Variants in CIMIP4 observed in about 807,000 individuals in gnomAD.
CIMIP4 encodes the protein ciliary microtubule inner protein 4, also known as protein EAN57.
chr22:37,004,874 G>T, the CIMIP4 span, among the ~76,000 whole-genome samples: 2 of 152,010 alleles, frequency 1.3e-5, no homozygotes, highest in African/African-American at 4.8e-5. Flanking sequence ...TTTTAGTAGA[G>T]ACAGGGTTTC....
chr22:37,002,007 C>A, the CIMIP4 span: 5 of 1,613,598 alleles, frequency 3.1e-6, no homozygotes, highest in Middle Eastern at 1.7e-4. Flanking sequence ...CCCGAGGTGG[C>A]CCTGTTCTCT....
chr22:37,005,744 A>G, the CIMIP4 span, among the ~76,000 whole-genome samples: 7 of 152,212 alleles, frequency 4.6e-5, no homozygotes, highest in Non-Finnish European at 7.3e-5. Flanking sequence ...AGTTCCAAAG[A>G]AAAGATGGTA....
the CIMIP4 span, among the ~76,000 whole-genome samples, chr22:36,998,205 A>G: frequency 1.3e-5 from 2 of 152,176 alleles, no homozygotes; most frequent in Non-Finnish European, 2.9e-5. Context: ...CTATTTGGTG[A>G]CCGATAGTTG....
At chr22:37,002,261 C>G in the CIMIP4 span, 1 of 1,443,470 alleles carries the variant, frequency 6.9e-7, no homozygotes, top group Middle Eastern at 1.8e-4. Flanking sequence ...GTCCTGTTGG[C>G]CCTCCTTGTC....
the CIMIP4 span, among the ~76,000 whole-genome samples, chr22:36,999,075 T>C: frequency 6.6e-6 from 1 of 152,032 alleles, no homozygotes; most frequent in Non-Finnish European, 1.5e-5. Context: ...ATTGTCACTG[T>C]GACCAAAGGT....
At chr22:37,001,302 A>G in the CIMIP4 span, among the ~76,000 whole-genome samples, 1 of 151,772 alleles carries the variant, frequency 6.6e-6, no homozygotes, top group Non-Finnish European at 1.5e-5. Flanking sequence ...GCCTCGCTTT[A>G]CAGATGTGGA....
the CIMIP4 span, among the ~76,000 whole-genome samples, chr22:37,005,491 G>A: frequency 0.43 from 65,297 of 151,624 alleles, 14,174 homozygotes; most frequent in East Asian, 0.53. Flanking sequence ...GAACCAAGCG[G>A]TGGTCAGAGT....
chr22:36,999,790 C>T, the CIMIP4 span: 2 of 1,579,450 alleles, frequency 1.3e-6, no homozygotes, highest in Non-Finnish European at 1.7e-6. Context: ...CTGCCCAATG[C>T]CTGGGAGACC....
At chr22:36,998,103 C>G in the CIMIP4 span, among the ~76,000 whole-genome samples, 1 of 152,236 alleles carries the variant, frequency 6.6e-6, no homozygotes, top group African/African-American at 2.4e-5. Context: ...CACAGTTCTA[C>G]TTCCCAGGTG....
chr22:37,000,908 A>G, the CIMIP4 span, among the ~76,000 whole-genome samples: 8 of 152,150 alleles, frequency 5.3e-5, no homozygotes, highest in African/African-American at 1.9e-4. Flanking sequence ...AAGATGACAG[A>G]GTGGAAGGGG....
chr22:37,001,903 G>T, the CIMIP4 span: 3 of 1,612,894 alleles, frequency 1.9e-6, no homozygotes, highest in Admixed American at 5.0e-5. Context: ...TGTTAGGAAT[G>T]ATGCTGCCCT....
the CIMIP4 span, chr22:36,991,641 G>T: frequency 6.9e-7 from 1 of 1,442,598 alleles, no homozygotes; most frequent in Non-Finnish European, 9.8e-7. Flanking sequence ...GTGGCAGTCG[G>T]GTACTCCATG....
the CIMIP4 span, among the ~76,000 whole-genome samples, chr22:37,005,279 C>G: frequency 6.6e-6 from 1 of 151,862 alleles, no homozygotes; most frequent in African/African-American, 2.4e-5. Flanking sequence ...GTGGGATACC[C>G]TGGGCCAGAG....
At chr22:36,996,438 C>T in the CIMIP4 span, among the ~76,000 whole-genome samples, 3 of 147,204 alleles carry the variant, frequency 2.0e-5, no homozygotes, top group Non-Finnish European at 4.5e-5. Context: ...TCAACAGCAG[C>T]AAAAAAAGAG....
the CIMIP4 span, among the ~76,000 whole-genome samples, chr22:36,993,210 C>T: frequency 2.6e-5 from 4 of 151,046 alleles, no homozygotes; most frequent in African/African-American, 4.9e-5. Context: ...CGGGGTTTCA[C>T]CATGTTAGCC....
chr22:36,994,035 G>A, the CIMIP4 span, among the ~76,000 whole-genome samples: 2 of 152,094 alleles, frequency 1.3e-5, no homozygotes, highest in Non-Finnish European at 2.9e-5. Context: ...GTAGGGCAAC[G>A]GCACGATGAA....
chr22:36,997,648 C>T, the CIMIP4 span, among the ~76,000 whole-genome samples: 1 of 152,236 alleles, frequency 6.6e-6, no homozygotes, highest in African/African-American at 2.4e-5. Context: ...GTTTCTGCCC[C>T]ATCTCCCTAT....
the CIMIP4 span, among the ~76,000 whole-genome samples, chr22:36,998,479 G>C: frequency 1.3e-5 from 2 of 152,124 alleles, no homozygotes; most frequent in African/African-American, 4.8e-5. Context: ...TTTGCAATGA[G>C]GCCAAACCAG....
chr22:36,994,700 G>A, the CIMIP4 span, among the ~76,000 whole-genome samples: 14 of 145,708 alleles, frequency 9.6e-5, no homozygotes, highest in Admixed American at 2.9e-4. Flanking sequence ...GCGCAATCTC[G>A]GCTCACTGCA....
Sources: allele counts gnomAD v4.1 joint callset (sites outside exome capture counted in the v4.1 genomes callset), GRCh38; gene constraint gnomAD v4.1.1; transcripts MANE v1.5; gene names NCBI Gene and HGNC (gene_info 2026-07-23, HGNC 2026-07-21).